Variants in CACNA1D observed in about 807,000 individuals in gnomAD.
CACNA1D encodes voltage-dependent L-type calcium channel subunit alpha-1D.
A neutral mutation model predicts 257.1 loss-of-function variants in CACNA1D; 55 were observed. The ratio of observed to expected loss-of-function variants is 0.21; its 90% confidence interval spans 0.17 to 0.27. CACNA1D has a LOEUF of 0.27. CACNA1D is among the 10% of genes least tolerant of loss of function. The pLI is 1.00. For synonymous variants in CACNA1D, 980 were observed against 1,014.9 expected, an observed-to-expected ratio of 0.97 and a Z score of 0.65; for missense variants, 1,876 against 2,784.0, an observed-to-expected ratio of 0.67 and a Z score of 7.34.
chr3:53,598,096 C>T lies in CACNA1D; in HGVS notation c.484-52683C>T, dbSNP rs575851178. On this transcript the variant is annotated intron_variant, in intron 3 of 47. Coordinates refer to ENST00000350061, the MANE Select transcript of CACNA1D (RefSeq NM_001128840.3). ...AAGCTCTAAAATGTGCTTCTCTCTCCATTAGGTTGGCTCATCAGTCAGATT... is the reference window on the plus strand; with the variant it reads ...AAGCTCTAAAATGTGCTTCTCTCTCTATTAGGTTGGCTCATCAGTCAGATT... Among the ~76,000 whole-genome samples the T allele has an allele frequency of 4.3e-4, 66 of 152,212 alleles. 2 individuals carry two copies. In the South Asian group the frequency reaches 0.013, roughly 31 times the overall value.
chr3:53,555,346 G>A (rs1217890951), intron 3 of CACNA1D, among the ~76,000 whole-genome samples: 1 of 152,104 alleles, frequency 6.6e-6, no homozygotes, highest in Admixed American at 6.6e-5. Context: ...TGCAGGATAG[G>A]GCTTTGCCCG....
At chr3:53,580,305 G>T (rs1287525523) in intron 3 of CACNA1D, among the ~76,000 whole-genome samples, 1 of 152,236 alleles carries the variant, frequency 6.6e-6, no homozygotes, top group African/African-American at 2.4e-5. Context: ...GGAGAGATTT[G>T]ATTTCATCTG....
intron 3 of CACNA1D, among the ~76,000 whole-genome samples, chr3:53,541,552 G>A (rs980798264): frequency 1.3e-5 from 2 of 152,188 alleles, no homozygotes; most frequent in East Asian, 3.8e-4. Context: ...CAGCTAACGT[G>A]AGGGCTCTCC....
intron 34 of CACNA1D, 90 bp from the exon 35 acceptor site, chr3:53,775,796 G>T: frequency 8.2e-7 from 1 of 1,222,522 alleles, no homozygotes; most frequent in Non-Finnish European, 1.2e-6. Context: ...CTTAGGTTTT[G>T]CTCTAATTAT....
chr3:53,706,713 T>G (rs2108614163), intron 9 of CACNA1D, among the ~76,000 whole-genome samples: 1 of 152,236 alleles, frequency 6.6e-6, no homozygotes, highest in East Asian at 1.9e-4. Context: ...AGTGTAACCA[T>G]CACCCGAAAA....
chr3:53,682,247 G>C (rs888728874), intron 8 of CACNA1D, among the ~76,000 whole-genome samples: 9 of 151,832 alleles, frequency 5.9e-5, no homozygotes, highest in East Asian at 3.9e-4. Context: ...AAATGTAGCA[G>C]CTGGGTGCTG....
At chr3:53,501,807 T>G (rs1211491366) in intron 3 of CACNA1D, 87 bp downstream of exon 3, 2 of 784,328 alleles carry the variant, frequency 2.5e-6, no homozygotes, top group African/African-American at 3.4e-5. Context: ...TTCTGGGTGG[T>G]TGAAGTTTAT....
At chr3:53,691,990 C>T (rs905352145) in intron 8 of CACNA1D, among the ~76,000 whole-genome samples, 8 of 131,778 alleles carry the variant, frequency 6.1e-5, no homozygotes, top group Middle Eastern at 3.6e-3. Flanking sequence ...ATCAATGGCA[C>T]GATGGGTGTA....
chr3:53,608,930 T>G (rs1223934370), intron 3 of CACNA1D, among the ~76,000 whole-genome samples: 1 of 152,178 alleles, frequency 6.6e-6, no homozygotes, highest in East Asian at 1.9e-4. Flanking sequence ...GGGATATTGG[T>G]TTATAGTTTT....
Position 53,669,974 on chromosome 3 carries a change from C to G in CACNA1D, c.1117-3049C>G, listed in dbSNP as rs773799819. ...CTTCAACTTAGAGGAAATTTTTTTT[C>G]CTTCAATTCAAAGAAATTGTTTTTA... On this transcript the variant is annotated intron_variant, in intron 7 of 47. Coordinates refer to ENST00000350061, the MANE Select transcript of CACNA1D (RefSeq NM_001128840.3). Among the ~76,000 whole-genome samples, 9 of 152,070 alleles carry G rather than the reference C, an allele frequency of 5.9e-5. No homozygotes were observed. In the East Asian group the frequency reaches 1.7e-3, roughly 29 times the overall value.
intron 9 of CACNA1D, among the ~76,000 whole-genome samples, chr3:53,710,175 G>T (rs771314682): frequency 1.3e-5 from 2 of 152,192 alleles, no homozygotes; most frequent in African/African-American, 4.8e-5. Context: ...TTTAGAACAG[G>T]TTCTTAAAGA....
At chr3:53,736,112 G>A (rs867874671) in intron 20 of CACNA1D, among the ~76,000 whole-genome samples, 69 of 152,118 alleles carry the variant, frequency 4.5e-4, no homozygotes, top group South Asian at 1.7e-3. Context: ...GGATAGAGGG[G>A]GAGGATCACT....
At chr3:53,516,758 CTG>C (rs1259332372) in intron 3 of CACNA1D, among the ~76,000 whole-genome samples, 1 of 152,190 alleles carries the variant, frequency 6.6e-6, no homozygotes, top group Non-Finnish European at 1.5e-5. Context: ...AGCATTTTTT[CTG>C]TGTTGCCTAT....
intron 43 of CACNA1D, among the ~76,000 whole-genome samples, chr3:53,803,119 G>A (rs1367413244): frequency 6.6e-6 from 1 of 151,932 alleles, no homozygotes; most frequent in East Asian, 1.9e-4. Flanking sequence ...CCATTTTTTT[G>A]TTCTGTTCTC....
chr3:53,583,061 C>G (rs1054558765), intron 3 of CACNA1D, among the ~76,000 whole-genome samples: 1 of 152,182 alleles, frequency 6.6e-6, no homozygotes, highest in Admixed American at 6.5e-5. Context: ...TCACCATTCT[C>G]AGGCACAGCT....
At chr3:53,589,920 TTA>T (rs1269253894) in intron 3 of CACNA1D, among the ~76,000 whole-genome samples, 2 of 152,186 alleles carry the variant, frequency 1.3e-5, no homozygotes, top group African/African-American at 4.8e-5. Flanking sequence ...AACCTCTAAC[TTA>T]GTGTGCTCCT....
intron 3 of CACNA1D, among the ~76,000 whole-genome samples, chr3:53,575,863 C>G (rs182350397): frequency 6.9e-4 from 105 of 152,208 alleles, no homozygotes; most frequent in African/African-American, 2.5e-3. Flanking sequence ...ATGATACTGG[C>G]AAAAGTCACT....
intron 21 of CACNA1D, 91 bp downstream of exon 21, chr3:53,740,430 C>T (rs570064228): frequency 1.4e-5 from 12 of 862,140 alleles, no homozygotes; most frequent in South Asian, 9.2e-5. Context: ...TGCTAGGTTA[C>T]GCAGACTATG....
intron 3 of CACNA1D, among the ~76,000 whole-genome samples, chr3:53,617,819 A>G (rs998285275): frequency 2.3e-4 from 35 of 152,176 alleles, no homozygotes; most frequent in African/African-American, 8.4e-4. Flanking sequence ...TGAGCCTCAA[A>G]TGTACTGGGG....
Sources: allele counts gnomAD v4.1 joint callset (sites outside exome capture counted in the v4.1 genomes callset), GRCh38; gene constraint gnomAD v4.1.1; transcripts MANE v1.5; gene names NCBI Gene and HGNC (gene_info 2026-07-23, HGNC 2026-07-21).